Variants in XIRP2 observed in about 807,000 individuals in gnomAD.
XIRP2 encodes xin actin-binding repeat-containing protein 2.
XIRP2 carries 236 observed loss-of-function variants against 277.0 expected under a neutral mutation model. That is an observed-to-expected ratio of 0.85 (90% CI 0.77 to 0.95). The LOEUF (loss-of-function observed/expected upper bound fraction) is 0.95. Among genes scored for constraint, XIRP2 ranks in the 40% least tolerant of loss-of-function variants. The pLI is 0.00. For missense variants in XIRP2, 4,640 were observed against 4,157.5 expected (o/e 1.12, Z -3.19); for synonymous variants, 1,490 against 1,416.5 (o/e 1.05, Z -1.17).
intron 3 of XIRP2, among the ~76,000 whole-genome samples, chr2:167,172,410 G>A (rs4625871): frequency 0.099 from 15,015 of 152,164 alleles, 795 homozygotes; most frequent in South Asian, 0.15. Flanking sequence ...CAGGAGACAG[G>A]GTTTGAGAGC....
intron 2 of XIRP2, among the ~76,000 whole-genome samples, chr2:166,978,510 A>G (rs1056191790): frequency 6.6e-6 from 1 of 152,204 alleles, no homozygotes; most frequent in Admixed American, 6.5e-5. Flanking sequence ...CCATGAACAT[A>G]GTATATCGTT....
intron 2 of XIRP2, among the ~76,000 whole-genome samples, chr2:166,979,766 C>T (rs1686818361): frequency 6.6e-6 from 1 of 152,104 alleles, no homozygotes; most frequent in Non-Finnish European, 1.5e-5. Flanking sequence ...CCTTCTTATA[C>T]ATTGATTAAT....
chr2:166,945,113 T>G (rs1040219762), intron 2 of XIRP2, among the ~76,000 whole-genome samples: 2 of 152,154 alleles, frequency 1.3e-5, no homozygotes, highest in Non-Finnish European at 1.5e-5. Flanking sequence ...CTCAGGATAC[T>G]GACCTCAAGT....
chr2:167,100,183 A>C (rs116360860), intron 2 of XIRP2, among the ~76,000 whole-genome samples: 2,140 of 151,872 alleles, frequency 0.014, 55 homozygotes, highest in African/African-American at 0.049. Flanking sequence ...AAAAAAATTA[A>C]AAAAAAATTA....
At chr2:167,036,972 G>C (rs529745377) in intron 2 of XIRP2, among the ~76,000 whole-genome samples, 1 of 151,996 alleles carries the variant, frequency 6.6e-6, no homozygotes, top group Non-Finnish European at 1.5e-5. Flanking sequence ...TTCACCCTCC[G>C]CCATGATTCT....
rs1223779445 is a variant in XIRP2, at chr2:167,248,493, T to C, written c.7101T>C (p.Pro2367=). 3.1e-6 allele frequency: 5 copies of C among 1,613,488 alleles called. No individual in the cohort carries two copies. Among genetic ancestry groups the C allele is most frequent in the South Asian group, 1.1e-5 (1 of 91,060 alleles). ...RESSSMFLPP[P]PPPTPSQKPA... ...GTTCATCGATGTTTCTGCCGCCTCC[T>C]CCTCCTCCAACTCCATCTCAAAAGC... Residue 2367 remains proline, a synonymous_variant, in exon 9 of 11, where the codon CCT becomes CCC. Transcript: ENST00000409195.
chr2:167,201,428 A>G (rs531518432), intron 3 of XIRP2, among the ~76,000 whole-genome samples: 1 of 151,934 alleles, frequency 6.6e-6, no homozygotes, highest in Admixed American at 6.5e-5. Flanking sequence ...GGATTTAGAC[A>G]AGGGGACATT....
At chr2:167,083,667 G>T (rs1477313835) in intron 2 of XIRP2, among the ~76,000 whole-genome samples, 3 of 152,156 alleles carry the variant, frequency 2.0e-5, no homozygotes, top group African/African-American at 7.2e-5. Context: ...CACATCCCTT[G>T]TAAGTTGGAT....
At chr2:166,888,773 G>GT (rs1684020518) in intron 1 of XIRP2, among the ~76,000 whole-genome samples, 1 of 152,116 alleles carries the variant, frequency 6.6e-6, no homozygotes. Flanking sequence ...TTATTCATTT[G>GT]TTTTTCTAAC....
At chr2:167,177,227 G>T (rs1264238328) in intron 3 of XIRP2, among the ~76,000 whole-genome samples, 1 of 152,102 alleles carries the variant, frequency 6.6e-6, no homozygotes, top group African/African-American at 2.4e-5. Context: ...AACAATAATT[G>T]TCTCTAATCT....
At chr2:167,006,022 A>G (rs1214333543) in intron 2 of XIRP2, among the ~76,000 whole-genome samples, 1 of 151,776 alleles carries the variant, frequency 6.6e-6, no homozygotes, top group Non-Finnish European at 1.5e-5. Context: ...TAAGTTATTT[A>G]AGATCATTTA....
chr2:167,245,807 A>G lies in XIRP2; in HGVS notation c.4415A>G (p.Glu1472Gly), dbSNP rs1330913010. 1.9e-6 allele frequency: 3 copies of G among 1,613,658 alleles called. No individual in the cohort carries two copies. The highest frequency in any genetic ancestry group is 4.5e-5 in the East Asian group (2 of 44,838). The change falls in exon 9 of 11, where the codon GAA becomes GGA. Residue 1472 changes from glutamate to glycine, a missense_variant. Coordinates refer to ENST00000409195, the MANE Select transcript of XIRP2 (RefSeq NM_152381.6). ...CTGAGAGGAGAAGGGTTAGAATATG[A>G]AAATATCAAGACAGTCACTCAGGAA... is the stretch of plus-strand genomic sequence containing the variant. ...DELRGEGLEY[E>G]NIKTVTQEDV...
At chr2:167,081,346 G>A (rs940448137) in intron 2 of XIRP2, among the ~76,000 whole-genome samples, 1 of 152,156 alleles carries the variant, frequency 6.6e-6, no homozygotes, top group African/African-American at 2.4e-5. Flanking sequence ...TGTAGTCTGA[G>A]TTACTCAGGA....
At position 167,246,351 on chromosome 2, in the gene XIRP2, G is replaced by C; in HGVS notation, c.4959G>C (p.Glu1653Asp). The change falls in exon 9 of 11, where the codon GAG (glutamate) becomes GAC (aspartate). Residue 1653 changes from glutamate to aspartate, a missense_variant. By Grantham distance (45) the Glu-to-Asp change is conservative. Coordinates refer to ENST00000409195, the MANE Select transcript of XIRP2 (RefSeq NM_152381.6). ...RSTEFHAEKE[E>D]IVKGDVQQAI... ...CTGAATTTCATGCTGAAAAAGAAGA[G>C]ATAGTGAAAGGTGATGTACAACAAG... 6.2e-7 allele frequency: 1 copy of C among 1,612,958 alleles called. No individual in the cohort carries two copies. Among genetic ancestry groups the C allele is most frequent in the Non-Finnish European group, 8.5e-7 (1 of 1,179,590 alleles).
Position 167,218,213 on chromosome 2 carries a change from G to A in XIRP2, c.771G>A (p.Lys257=). ...GCGCAGTGCCTGGTGGTTTGGCCAA[G>A]GTGAAGAAACAATTTGAGGACGAAA... ...EMCAVPGGLA[K]VKKQFEDEIT... is the part of the protein sequence containing the mutation. Residue 257 remains lysine, a synonymous_variant, in exon 5 of 11, where the codon AAG becomes AAA. Transcript: ENST00000409195. 2.5e-6 allele frequency: 4 copies of A among 1,607,394 alleles called. No homozygotes were observed. Among genetic ancestry groups the A allele is most frequent in the East Asian group, 2.2e-5 (1 of 44,636 alleles).
chr2:167,030,357 A>G lies in XIRP2; in HGVS notation c.409-105552A>G, dbSNP rs187720552. Among the ~76,000 whole-genome samples the G allele has an allele frequency of 5.8e-4, 89 of 152,276 alleles. No individual in the cohort carries two copies. The East Asian group carries it at 8.7e-3, about 15-fold the overall frequency. On this transcript the variant is annotated intron_variant, in intron 2 of 10. Coordinates refer to ENST00000409195, the MANE Select transcript of XIRP2 (RefSeq NM_152381.6). ...CTTTCTCCTGTGGGCATTTAGTACT[A>G]TAAATTTCTCTCTAAACACTGCTTT...
chr2:166,952,454 G>A (rs1322300772), intron 2 of XIRP2, among the ~76,000 whole-genome samples: 1 of 151,960 alleles, frequency 6.6e-6, no homozygotes, highest in Non-Finnish European at 1.5e-5. Flanking sequence ...GCCCTGCAGA[G>A]ACATGAGAAA....
chr2:166,928,973 G>T lies in XIRP2; in HGVS notation c.408+25083G>T, dbSNP rs1412161294. ...GCCACCATTCAGTGTAACAAAGAAT[G>T]AATAAAGTTTGCCTCACTTCTCAAA... is the stretch of plus-strand genomic sequence containing the variant. On this transcript the variant is annotated intron_variant, in intron 2 of 10. Transcript: ENST00000409195. Among the ~76,000 whole-genome samples the T allele has an allele frequency of 5.9e-5, 9 of 151,986 alleles. No homozygotes were observed. The East Asian group carries it at 1.5e-3, about 26-fold the overall frequency.
At chr2:166,965,800 C>G (rs1472526383) in intron 2 of XIRP2, among the ~76,000 whole-genome samples, 1 of 151,738 alleles carries the variant, frequency 6.6e-6, no homozygotes, top group African/African-American at 2.4e-5. Flanking sequence ...TAAGGTTGGT[C>G]TGAAACTCCT....
Sources: gnomAD v4.1 joint callset for allele counts (sites outside exome capture counted in the v4.1 genomes callset) on GRCh38, gnomAD v4.1.1 for gene constraint, MANE v1.5 for transcripts, NCBI Gene and HGNC (gene_info 2026-07-23, HGNC 2026-07-21) for gene names.